The following CUL5 variants were observed in gnomAD, a reference collection of about 807,000 sequenced individuals.
CUL5 encodes cullin-5.
CUL5 carries 26 observed loss-of-function variants against 108.8 expected under a neutral mutation model. That is an observed-to-expected ratio of 0.24 (90% CI 0.18 to 0.33). CUL5 has a LOEUF of 0.33. Ranked by LOEUF, CUL5 falls within the 10% of genes least tolerant of loss-of-function variation. The probability of loss-of-function intolerance (pLI) is 1.00; values close to 1 mark genes in which losing one functional copy is unlikely to be tolerated. For synonymous variants in CUL5, 334 were observed against 298.0 expected (o/e 1.12, Z -1.25); for missense variants, 524 against 909.2 (o/e 0.58, Z 5.45).
intron 7 of CUL5, among the ~76,000 whole-genome samples, chr11:108,064,144 A>G (rs1003551622): frequency 6.6e-6 from 1 of 152,180 alleles, no homozygotes; most frequent in African/African-American, 2.4e-5. Flanking sequence ...TCCATTCAGT[A>G]TGATACTAGC....
chr11:108,009,320 TC>T lies in CUL5; in HGVS notation c.-28del. 6.2e-7 allele frequency: 1 copy of T among 1,612,854 alleles called. No homozygotes were observed. The highest frequency in any genetic ancestry group is 8.5e-7 in the Non-Finnish European group (1 of 1,179,204). ...GCCGGGAGCGCCACGAATTCTCGCG[TC>T]GTCTCGCGAGAGTCCAAGTTAAAGA... On this transcript the variant is annotated 5_prime_UTR_variant, in exon 1 of 19. Transcript: ENST00000393094.
intron 11 of CUL5, among the ~76,000 whole-genome samples, chr11:108,082,375 A>T (rs1864110707): frequency 6.7e-6 from 1 of 149,328 alleles, no homozygotes; most frequent in African/African-American, 2.5e-5. Context: ...TGCCCTCCTG[A>T]GCTCGAGTAA....
At chr11:108,040,014 G>A (rs1461216705) in intron 2 of CUL5, among the ~76,000 whole-genome samples, 1 of 152,186 alleles carries the variant, frequency 6.6e-6, no homozygotes, top group Non-Finnish European at 1.5e-5. Flanking sequence ...TCTACACAAG[G>A]AAATCAAAAC....
chr11:108,040,661 T>TACCACGTA (rs1862878061), intron 2 of CUL5, among the ~76,000 whole-genome samples: 1 of 149,932 alleles, frequency 6.7e-6, no homozygotes, highest in South Asian at 2.1e-4. Context: ...GGCACGTGCC[T>TACCACGTA]GTAGTCCCAA....
intron 1 of CUL5, among the ~76,000 whole-genome samples, chr11:108,017,445 C>G (rs1305725733): frequency 6.8e-6 from 1 of 148,090 alleles, no homozygotes; most frequent in Non-Finnish European, 1.5e-5. Flanking sequence ...TGACAAAGTT[C>G]TTAGACTTTG....
At chr11:108,041,304 CG>C (rs1179587789) in intron 2 of CUL5, among the ~76,000 whole-genome samples, 2 of 147,306 alleles carry the variant, frequency 1.4e-5, no homozygotes, top group Admixed American at 6.8e-5. Flanking sequence ...TTTTTTGAGA[CG>C]GAGTCTCTGT....
intron 17 of CUL5, 123 bp downstream of exon 17, chr11:108,097,877 C>G (rs1405066903): frequency 1.7e-6 from 1 of 573,540 alleles, no homozygotes; most frequent in Non-Finnish European, 3.1e-6. Context: ...TCACTCTAAA[C>G]TTACATCATT....
At chr11:108,064,339 A>G (rs144594067) in intron 7 of CUL5, among the ~76,000 whole-genome samples, 121 of 152,302 alleles carry the variant, frequency 7.9e-4, no homozygotes, top group Middle Eastern at 3.4e-3. Flanking sequence ...CAATTTGTGT[A>G]TGTTGAACCA....
Position 108,052,819 on chromosome 11 carries a change from A to G in CUL5, c.553+18A>G. ...ATCCTATGGTATGTTCTGAACTTTTATGATCATAATTTCTGTTTCATGGAA... is the reference window on the plus strand; with the variant it reads ...ATCCTATGGTATGTTCTGAACTTTTGTGATCATAATTTCTGTTTCATGGAA... On this transcript the variant is annotated intron_variant, in intron 5 of 18. Transcript: ENST00000393094. The G allele has an allele frequency of 1.3e-6, 2 of 1,586,040 alleles. No individual in the cohort carries two copies. Among genetic ancestry groups the G allele is most frequent in the East Asian group, 2.3e-5 (1 of 44,420 alleles).
chr11:108,036,690 A>G (rs1251941378), intron 2 of CUL5, among the ~76,000 whole-genome samples: 2 of 152,288 alleles, frequency 1.3e-5, no homozygotes, highest in East Asian at 1.9e-4. Context: ...GTTGGCCGGG[A>G]TGGTCTCGAA....
chr11:108,014,922 G>T (rs941103281), intron 1 of CUL5, among the ~76,000 whole-genome samples: 2 of 151,896 alleles, frequency 1.3e-5, no homozygotes, highest in Non-Finnish European at 2.9e-5. Flanking sequence ...TTTTTGAGAC[G>T]GGGTCTCACT....
At chr11:108,029,973 C>T (rs1591282408) in intron 1 of CUL5, among the ~76,000 whole-genome samples, 1 of 152,256 alleles carries the variant, frequency 6.6e-6, no homozygotes, top group East Asian at 1.9e-4. Context: ...AAAGTATCCT[C>T]TTGTTAAGAA....
At chr11:108,028,005 C>G (rs1421603852) in intron 1 of CUL5, among the ~76,000 whole-genome samples, 2 of 152,176 alleles carry the variant, frequency 1.3e-5, no homozygotes, top group Non-Finnish European at 2.9e-5. Flanking sequence ...TGTTGGATAT[C>G]TAAAACCTCA....
chr11:108,095,033 A>C lies in CUL5; in HGVS notation c.1743+46A>C, dbSNP rs142804666. ...TTATTTCAGCTTTCAGTTTGGATGA[A>C]AGTAGCAGGACTCCGCAGAATTGCT... is the stretch of plus-strand genomic sequence containing the variant. On this transcript the variant is annotated intron_variant, in intron 15 of 18. Transcript: ENST00000393094. 2.4e-5 allele frequency: 36 copies of C among 1,508,740 alleles called. No individual in the cohort carries two copies. In the African/African-American group the frequency reaches 2.8e-4, roughly 12 times the overall value. 93.5% of individuals were successfully genotyped at this position (1,508,740 alleles called of 1,614,324 possible).
chr11:108,034,373 A>C (rs1272666243), intron 2 of CUL5, among the ~76,000 whole-genome samples: 1 of 152,208 alleles, frequency 6.6e-6, no homozygotes, highest in Non-Finnish European at 1.5e-5. Context: ...AACATGTACC[A>C]AAATCAGTGT....
intron 8 of CUL5, 115 bp downstream of exon 8, chr11:108,070,304 G>T: frequency 3.0e-6 from 2 of 667,242 alleles, no homozygotes; most frequent in Non-Finnish European, 2.6e-6. Flanking sequence ...ATGTGGAACT[G>T]TTAGAGTGAA....
rs1337816675 is a variant in CUL5, at chr11:108,009,263, T to G, written c.-86T>G. ...GTGCGGGCCGACGGGCCCTGGGCCC[T>G]GGTGGGAGCTCCGGCCTCCGGTCAA... On this transcript the variant is annotated 5_prime_UTR_variant, in exon 1 of 19. Transcript: ENST00000393094. 1.9e-5 allele frequency: 28 copies of G among 1,498,906 alleles called. No individual in the cohort carries two copies. The highest frequency in any genetic ancestry group is 2.3e-5 in the Non-Finnish European group (25 of 1,081,862). The allele number at this position is 1,498,906 out of a possible 1,614,324, so 92.9% of individuals were successfully genotyped here. A position where few individuals can be genotyped will look rare whatever the true frequency, so the allele number is the denominator to read the frequency against.
chr11:108,064,214 T>C (rs1433657965), intron 7 of CUL5, among the ~76,000 whole-genome samples: 1 of 152,228 alleles, frequency 6.6e-6, no homozygotes, highest in Non-Finnish European at 1.5e-5. Context: ...ACCCAGTGTT[T>C]TGATGGTTTG....
At chr11:108,065,693 G>A (rs560544553) in intron 7 of CUL5, among the ~76,000 whole-genome samples, 79 of 152,302 alleles carry the variant, frequency 5.2e-4, no homozygotes, top group Admixed American at 1.5e-3. Context: ...TAACATTGGC[G>A]ATTCAAGACT....
Sources: gnomAD v4.1 joint callset for allele counts (sites outside exome capture counted in the v4.1 genomes callset) on GRCh38, gnomAD v4.1.1 for gene constraint, MANE v1.5 for transcripts, NCBI Gene and HGNC (gene_info 2026-07-23, HGNC 2026-07-21) for gene names.